Variants in KIF4A observed in about 807,000 individuals in gnomAD.
KIF4A encodes the protein chromosome-associated kinesin KIF4A.
Under a neutral mutation model 105.9 loss-of-function variants are expected in KIF4A, and 7 were observed. The ratio of observed to expected loss-of-function variants is 0.07; its 90% CI spans 0.04 to 0.12. The LOEUF is 0.12. Among genes scored for constraint, KIF4A ranks in the 10% least tolerant of loss-of-function variants. The pLI is 1.00. For synonymous variants in KIF4A, 281 were observed against 331.3 expected, an observed-to-expected ratio of 0.85 and a Z score of 1.65; for missense variants, 558 against 929.2, an observed-to-expected ratio of 0.60 and a Z score of 5.19.
At chrX:70,399,563 T>C (rs915777060) in intron 22 of KIF4A, among the ~76,000 whole-genome samples, 2 of 110,205 alleles carry the variant, frequency 1.8e-5, no homozygotes, top group African/African-American at 6.6e-5. Flanking sequence ...TCTGGAGTAA[T>C]ATTGTCCAAA....
chrX:70,405,782 T>C (rs1337746723), intron 25 of KIF4A, 46 bp from the exon 26 acceptor site: 1 of 957,924 alleles, frequency 1.0e-6, no homozygotes, highest in Admixed American at 2.2e-5. Context: ...AACCCACATG[T>C]AGTGCCCAAA....
chrX:70,321,260 G>C (rs2085888986), intron 7 of KIF4A, among the ~76,000 whole-genome samples: 1 of 112,021 alleles, frequency 8.9e-6, no homozygotes, highest in South Asian at 3.7e-4. Context: ...CCAGAATGTA[G>C]TGTGTGCCCC....
At chrX:70,295,427 G>A (rs545981483) in intron 3 of KIF4A, among the ~76,000 whole-genome samples, 4 of 108,599 alleles carry the variant, frequency 3.7e-5, no homozygotes, top group Non-Finnish European at 7.7e-5. Context: ...TGCCCGCCTC[G>A]GCCTCCCAAA....
intron 9 of KIF4A, 27 bp downstream of exon 9, chrX:70,330,359 A>G (rs964079622): frequency 8.7e-7 from 1 of 1,150,301 alleles, no homozygotes; most frequent in Non-Finnish European, 1.2e-6. Context: ...GTTTGATGGG[A>G]AAAATTACAA....
rs1448777240 is a variant in KIF4A, at chrX:70,349,101, G to A, written c.1432-3499G>A. Among the ~76,000 whole-genome samples, 527 of 93,357 alleles carry A rather than the reference G, an allele frequency of 5.6e-3. 5 individuals carry two copies. Among genetic ancestry groups the A allele is most frequent in the Non-Finnish European group, 8.2e-3 (386 of 46,885 alleles). The allele number at this position is 93,357 out of a possible 115,157, so 81.1% of individuals were successfully genotyped here. A position where few individuals can be genotyped will look rare whatever the true frequency, so the allele number is the denominator to read the frequency against. ...CCAGAGGGGGCGGCCGGGCAGAGGC[G>A]CTCCTCACCTCCCAGACGGGGCGGC... On this transcript the variant is annotated intron_variant, in intron 13 of 30. Transcript: ENST00000374403.
At chrX:70,414,907 CCT>C (rs1163996876) in intron 28 of KIF4A, among the ~76,000 whole-genome samples, 1 of 111,857 alleles carries the variant, frequency 8.9e-6, no homozygotes, top group Non-Finnish European at 1.9e-5. Context: ...AGCTCAGCCA[CCT>C]CTGTCTTTTC....
At position 70,294,463 on chromosome X, in the gene KIF4A, C is replaced by T. The variant is rs772977975; in HGVS notation, c.236-2535C>T. On this transcript the variant is annotated intron_variant, in intron 3 of 30. Transcript: ENST00000374403. ...AATCATTTATTATTATGAAGCGTTA[C>T]ATACTGTACATAGTTGGATGTGCTG... Among the ~76,000 whole-genome samples the T allele has an allele frequency of 3.6e-5, 4 of 112,614 alleles. No individual in the cohort carries two copies. The South Asian group carries it at 1.5e-3, about 41-fold the overall frequency.
chrX:70,321,812 C>T (rs1050207593), intron 7 of KIF4A, among the ~76,000 whole-genome samples: 4 of 111,249 alleles, frequency 3.6e-5, no homozygotes, highest in African/African-American at 1.3e-4. Context: ...CTTTTGAAGT[C>T]AACTCATGAC....
intron 28 of KIF4A, among the ~76,000 whole-genome samples, chrX:70,409,665 C>T (rs760236638): frequency 3.6e-5 from 4 of 109,887 alleles, no homozygotes; most frequent in Non-Finnish European, 7.6e-5. Context: ...GGCATGGTGA[C>T]GCATGCCTGT....
chrX:70,411,135 T>C (rs960287269), intron 28 of KIF4A, among the ~76,000 whole-genome samples: 3 of 111,151 alleles, frequency 2.7e-5, no homozygotes, highest in Non-Finnish European at 5.7e-5. Context: ...ACCTTACTGA[T>C]GAAGGAATAG....
chrX:70,295,753 T>C (rs986542538), intron 3 of KIF4A, among the ~76,000 whole-genome samples: 1 of 108,046 alleles, frequency 9.3e-6, no homozygotes, highest in African/African-American at 3.4e-5. Flanking sequence ...CCGTCTCTAC[T>C]AAAAATTCAA....
intron 18 of KIF4A, among the ~76,000 whole-genome samples, chrX:70,377,524 CAG>C (rs1272001333): frequency 1.8e-5 from 2 of 112,542 alleles, no homozygotes; most frequent in African/African-American, 3.2e-5. Flanking sequence ...CTATACCTAA[CAG>C]AATCTATAGA....
chrX:70,409,526 G>A (rs934073392), intron 28 of KIF4A, among the ~76,000 whole-genome samples: 6 of 111,779 alleles, frequency 5.4e-5, no homozygotes, highest in Admixed American at 2.8e-4. Flanking sequence ...GAGGCCAGGC[G>A]TGGCTCATGC....
chrX:70,302,642 A>AGTTTT lies in KIF4A; in HGVS notation c.778+260_778+264dup, dbSNP rs778551957. Among the ~76,000 whole-genome samples the AGTTTT allele has an allele frequency of 8.1e-5, 9 of 111,756 alleles. No homozygotes were observed. The East Asian group carries it at 2.0e-3, about 24-fold the overall frequency. ...TCTGGTCCAGGCAAGTTTTAGTTTT[A>AGTTTT]GTTTTGTTTTGTTTTGTTTTACCCC... On this transcript the variant is annotated intron_variant, in intron 7 of 30. Coordinates refer to ENST00000374403, the MANE Select transcript of KIF4A (RefSeq NM_012310.5).
At chrX:70,316,214 A>G (rs760879158) in intron 7 of KIF4A, among the ~76,000 whole-genome samples, 3 of 112,152 alleles carry the variant, frequency 2.7e-5, no homozygotes, top group African/African-American at 9.7e-5. Context: ...TAAATTCTCT[A>G]CTAAGTATTA....
At chrX:70,339,145 G>A (rs183757622) in intron 10 of KIF4A, among the ~76,000 whole-genome samples, 2 of 109,131 alleles carry the variant, frequency 1.8e-5, no homozygotes, top group Non-Finnish European at 3.8e-5. Flanking sequence ...TAATAATGTC[G>A]TTTTATGTTT....
At chrX:70,355,719 G>A (rs1320544037) in intron 15 of KIF4A, among the ~76,000 whole-genome samples, 3 of 111,211 alleles carry the variant, frequency 2.7e-5, no homozygotes, top group South Asian at 3.8e-4. Context: ...AGCGCCCGGT[G>A]CAGAGAAGTA....
intron 7 of KIF4A, among the ~76,000 whole-genome samples, chrX:70,312,621 A>G (rs1380374478): frequency 1.8e-5 from 2 of 112,172 alleles, no homozygotes; most frequent in Non-Finnish European, 3.8e-5. Flanking sequence ...TCTATTTCCT[A>G]TAAATTGGTA....
chrX:70,369,618 C>T (rs941584338), intron 15 of KIF4A, among the ~76,000 whole-genome samples: 1 of 111,289 alleles, frequency 9.0e-6, no homozygotes, highest in African/African-American at 3.3e-5. Context: ...TGCACATGTG[C>T]ACAGAAATCA....
Sources: gnomAD v4.1 joint callset for allele counts (sites outside exome capture counted in the v4.1 genomes callset) on GRCh38, gnomAD v4.1.1 for gene constraint, MANE v1.5 for transcripts, NCBI Gene and HGNC (gene_info 2026-07-23, HGNC 2026-07-21) for gene names.